The following BTBD9 variants were observed in gnomAD, a reference collection of about 807,000 sequenced individuals.
The protein encoded by BTBD9 is BTB/POZ domain-containing protein 9.
A neutral mutation model predicts 64.3 loss-of-function variants in BTBD9; 49 were observed. That is an observed-to-expected ratio of 0.76 (90% CI 0.61 to 0.97). The LOEUF (loss-of-function observed/expected upper bound fraction) is 0.97, where lower values mean the gene tolerates loss of function less well. BTBD9 is among the 50% of genes least tolerant of loss of function. BTBD9 has a pLI of 0.00. For missense variants in BTBD9, 598 were observed against 762.1 expected, an observed-to-expected ratio of 0.78 and a Z score of 2.53; for synonymous variants, 260 against 274.7, an observed-to-expected ratio of 0.95 and a Z score of 0.53.
At chr6:38,452,935 G>T (rs962406456) in intron 6 of BTBD9, among the ~76,000 whole-genome samples, 1 of 152,116 alleles carries the variant, frequency 6.6e-6, no homozygotes, top group Non-Finnish European at 1.5e-5. Flanking sequence ...TCTCTGACTG[G>T]AGTAAATACT....
At chr6:38,525,511 A>T (rs1431306334) in intron 6 of BTBD9, among the ~76,000 whole-genome samples, 1 of 152,232 alleles carries the variant, frequency 6.6e-6, no homozygotes, top group Non-Finnish European at 1.5e-5. Flanking sequence ...ACTGGGTAAC[A>T]GGCAGAGACT....
chr6:38,532,310 C>A (rs1773835212), intron 6 of BTBD9, among the ~76,000 whole-genome samples: 1 of 152,144 alleles, frequency 6.6e-6, no homozygotes, highest in Admixed American at 6.5e-5. Context: ...TGAGTCTCAC[C>A]AACGTGGGCT....
intron 7 of BTBD9, among the ~76,000 whole-genome samples, chr6:38,330,498 G>A (rs909067988): frequency 3.9e-5 from 6 of 152,036 alleles, no homozygotes; most frequent in African/African-American, 1.5e-4. Flanking sequence ...GACAGCCTGG[G>A]CAACATAGCA....
intron 8 of BTBD9, among the ~76,000 whole-genome samples, chr6:38,268,769 T>C (rs1037665376): frequency 6.6e-6 from 1 of 152,252 alleles, no homozygotes; most frequent in African/African-American, 2.4e-5. Context: ...GAAATGATTT[T>C]AAAACACTTG....
At chr6:38,308,095 A>G (rs992760681) in intron 7 of BTBD9, among the ~76,000 whole-genome samples, 1 of 152,222 alleles carries the variant, frequency 6.6e-6, no homozygotes, top group African/African-American at 2.4e-5. Flanking sequence ...ACAATCCTGT[A>G]GTTTAAATGC....
At chr6:38,213,431 A>G (rs1035974715) in intron 9 of BTBD9, among the ~76,000 whole-genome samples, 6 of 152,184 alleles carry the variant, frequency 3.9e-5, no homozygotes, top group African/African-American at 1.2e-4. Flanking sequence ...CTTAGCACAG[A>G]GCGGCCCAAG....
In BTBD9 at chr6:38,428,196, T is replaced by C. The variant is rs148656010; in HGVS notation, c.1155-83103A>G. On this transcript the variant is annotated intron_variant, in intron 6 of 10. Transcript: ENST00000481247. Reference sequence around the variant, plus strand: ...ACATTTGAACATCAAAGGTGCTTCATGAAGGACCTTTTAAAAGGGGACTGA... The same window carrying C: ...ACATTTGAACATCAAAGGTGCTTCACGAAGGACCTTTTAAAAGGGGACTGA... Among the ~76,000 whole-genome samples the C allele has an allele frequency of 7.5e-4, 114 of 151,966 alleles. 1 individual carries two copies. The highest frequency in any genetic ancestry group is 2.4e-3 in the African/African-American group (97 of 41,252).
chr6:38,424,108 A>G (rs1404910321), intron 6 of BTBD9, among the ~76,000 whole-genome samples: 1 of 152,082 alleles, frequency 6.6e-6, no homozygotes. Context: ...CATGAATTTT[A>G]TACTCATTCA....
rs112749292 is a variant in BTBD9, at chr6:38,472,018, G to A, written c.1154+105582C>T. 3.9e-4 allele frequency among the ~76,000 whole-genome samples: 59 copies of A among 152,292 alleles called. 2 individuals are homozygous for A. The highest frequency in any genetic ancestry group is 1.3e-3 in the African/African-American group (56 of 41,564). On this transcript the variant is annotated intron_variant, in intron 6 of 10. Transcript: ENST00000481247. ...CAGAGCTTCTCTGAACATTCTGCAA[G>A]ATTCCACTTTGCCTCTGTAGAAAAT...
chr6:38,328,967 TA>T (rs1374816867), intron 7 of BTBD9, among the ~76,000 whole-genome samples: 1 of 87,198 alleles, frequency 1.1e-5, no homozygotes. Flanking sequence ...AGAAAGAAAA[TA>T]TGTGTGTGTG....
At position 38,411,083 on chromosome 6, in the gene BTBD9, T is replaced by C. The variant is rs565210278; in HGVS notation, c.1155-65990A>G. On this transcript the variant is annotated intron_variant, in intron 6 of 10. Coordinates refer to ENST00000481247, the MANE Select transcript of BTBD9 (RefSeq NM_001099272.2). ...GGGGCAACATGCATAAAAAAGAACA[T>C]GGCATGAAAGTAGACTTGCACGCCG... 5.3e-5 allele frequency among the ~76,000 whole-genome samples: 8 copies of C among 152,150 alleles called. No individual in the cohort carries two copies. The South Asian group carries it at 1.7e-3, about 32-fold the overall frequency.
intron 6 of BTBD9, among the ~76,000 whole-genome samples, chr6:38,405,089 A>G (rs1767105616): frequency 6.6e-6 from 1 of 152,198 alleles, no homozygotes; most frequent in African/African-American, 2.4e-5. Flanking sequence ...TCAGGAACAA[A>G]TACAAAACTT....
chr6:38,401,151 T>G (rs1766909773), intron 6 of BTBD9, among the ~76,000 whole-genome samples: 1 of 152,126 alleles, frequency 6.6e-6, no homozygotes, highest in African/African-American at 2.4e-5. Context: ...AGGGACCTGG[T>G]GGGAGGTGAC....
chr6:38,325,935 A>G (rs1215214039), intron 7 of BTBD9, among the ~76,000 whole-genome samples: 1 of 152,234 alleles, frequency 6.6e-6, no homozygotes, highest in Admixed American at 6.5e-5. Flanking sequence ...AGCAGTGAAC[A>G]AAACAGACAG....
chr6:38,454,395 A>G (rs1324558260), intron 6 of BTBD9, among the ~76,000 whole-genome samples: 1 of 151,938 alleles, frequency 6.6e-6, no homozygotes, highest in African/African-American at 2.4e-5. Flanking sequence ...TTCAAATTTA[A>G]AGACATCTTT....
At chr6:38,546,265 A>G (rs1774550883) in intron 6 of BTBD9, among the ~76,000 whole-genome samples, 1 of 152,210 alleles carries the variant, frequency 6.6e-6, no homozygotes, top group South Asian at 2.1e-4. Flanking sequence ...ATGAGGACAA[A>G]TGCCAACATA....
In BTBD9 at chr6:38,459,207, C is replaced by T. The variant is rs144011370; in HGVS notation, c.1155-114114G>A. On this transcript the variant is annotated intron_variant, in intron 6 of 10. Coordinates refer to ENST00000481247, the MANE Select transcript of BTBD9 (RefSeq NM_001099272.2). The stretch of plus-strand genomic sequence containing the variant: ...CTAATTTTTGTATTTTTAGTAGAGA[C>T]ACGGTTTCACCATGTTGGCCAGGCT... Among the ~76,000 whole-genome samples the T allele has an allele frequency of 2.2e-3, 329 of 152,182 alleles. 8 individuals carry two copies. The East Asian group carries it at 0.052, about 24-fold the overall frequency.
intron 6 of BTBD9, among the ~76,000 whole-genome samples, chr6:38,374,309 A>ATATATATATATATATATGTATATATATG (rs1765581584): frequency 5.7e-5 from 6 of 105,668 alleles, no homozygotes; most frequent in Admixed American, 1.0e-4. Flanking sequence ...ATATATATGT[A>ATATATATATATATATATGTATATATATG]TATATATATA....
chr6:38,174,908 G>A lies in BTBD9; in HGVS notation c.*77C>T. The A allele has an allele frequency of 6.5e-7, 1 of 1,545,428 alleles. No homozygotes were observed. The highest frequency in any genetic ancestry group is 8.8e-7 in the Non-Finnish European group (1 of 1,135,990). On this transcript the variant is annotated 3_prime_UTR_variant, in exon 11 of 11. Coordinates refer to ENST00000481247, the MANE Select transcript of BTBD9 (RefSeq NM_001099272.2). ...GGGGCAGAGGTGGGGGCAGTCAACAGAGACCCCTGCTCAGGGAGGAGACCG... is the reference window on the plus strand; with the variant it reads ...GGGGCAGAGGTGGGGGCAGTCAACAAAGACCCCTGCTCAGGGAGGAGACCG...
Sources: gnomAD v4.1 joint callset for allele counts (sites outside exome capture counted in the v4.1 genomes callset) on GRCh38, gnomAD v4.1.1 for gene constraint, MANE v1.5 for transcripts, NCBI Gene and HGNC (gene_info 2026-07-23, HGNC 2026-07-21) for gene names.